Variants in ERC2 observed in about 807,000 individuals in gnomAD.
The protein encoded by ERC2 is ELKS/RAB6-interacting/CAST family member 2.
Under a neutral mutation model 114.8 loss-of-function variants are expected in ERC2, and 42 were observed. The observed-to-expected ratio is 0.37, with a 90% confidence interval of 0.29 to 0.47. ERC2 has a LOEUF of 0.47. ERC2 is among the 20% of genes least tolerant of loss of function. ERC2 has a pLI of 0.99. For missense variants in ERC2, 939 were observed against 1,150.7 expected (o/e 0.82, Z 2.66); for synonymous variants, 454 against 425.5 (o/e 1.07, Z -0.82).
At chr3:56,209,990 C>T (rs1009256048) in intron 3 of ERC2, among the ~76,000 whole-genome samples, 2 of 152,094 alleles carry the variant, frequency 1.3e-5, no homozygotes, top group Non-Finnish European at 2.9e-5. Context: ...AAACCCCAAG[C>T]AGAAACCTTT....
chr3:56,055,839 C>T (rs912123346), intron 7 of ERC2, among the ~76,000 whole-genome samples: 5 of 152,200 alleles, frequency 3.3e-5, no homozygotes, highest in Non-Finnish European at 5.9e-5. Context: ...TGAGAATTGC[C>T]ACATTGTGGT....
intron 2 of ERC2, among the ~76,000 whole-genome samples, chr3:56,374,798 A>G (rs1212120016): frequency 6.6e-6 from 1 of 152,234 alleles, no homozygotes; most frequent in East Asian, 1.9e-4. Context: ...ACATCAACAG[A>G]GCAAAGGCTA....
At chr3:55,793,200 C>T (rs1328772635) in intron 14 of ERC2, among the ~76,000 whole-genome samples, 2 of 152,100 alleles carry the variant, frequency 1.3e-5, no homozygotes, top group Non-Finnish European at 2.9e-5. Context: ...GATGTAGATG[C>T]AATTTAATTC....
chr3:56,143,703 T>C (rs899108307), intron 5 of ERC2, among the ~76,000 whole-genome samples: 1 of 152,204 alleles, frequency 6.6e-6, no homozygotes, highest in Non-Finnish European at 1.5e-5. Flanking sequence ...AATACATACA[T>C]AACCCATGCT....
intron 13 of ERC2, among the ~76,000 whole-genome samples, chr3:55,934,814 A>G (rs1465676314): frequency 6.6e-6 from 1 of 152,264 alleles, no homozygotes; most frequent in Non-Finnish European, 1.5e-5. Context: ...AATTTTCTGC[A>G]GTATAGAAGG....
chr3:55,915,227 A>G (rs913051567), intron 13 of ERC2, among the ~76,000 whole-genome samples: 3 of 152,192 alleles, frequency 2.0e-5, no homozygotes, highest in African/African-American at 7.2e-5. Context: ...AAAATAAAAT[A>G]TAGTGATTTT....
chr3:55,588,074 A>C (rs1185563419), intron 17 of ERC2, among the ~76,000 whole-genome samples: 1 of 152,202 alleles, frequency 6.6e-6, no homozygotes, highest in African/African-American at 2.4e-5. Flanking sequence ...GTGCCTAAAA[A>C]TTGGGTATAC....
chr3:56,053,610 C>T (rs1214701768), intron 7 of ERC2, among the ~76,000 whole-genome samples: 1 of 152,164 alleles, frequency 6.6e-6, no homozygotes, highest in Non-Finnish European at 1.5e-5. Flanking sequence ...TTTTCTATCT[C>T]AGGATCTCAA....
chr3:56,332,402 ACTC>A (rs1050625590), intron 2 of ERC2, among the ~76,000 whole-genome samples: 7 of 152,158 alleles, frequency 4.6e-5, no homozygotes, highest in Admixed American at 3.9e-4. Context: ...CATTGCATTT[ACTC>A]CTATCAGTTC....
chr3:55,857,401 T>C (rs893429872), intron 14 of ERC2, among the ~76,000 whole-genome samples: 30 of 152,170 alleles, frequency 2.0e-4, no homozygotes, highest in African/African-American at 7.2e-4. Flanking sequence ...TATCATTTTT[T>C]TTAATTGTGG....
chr3:56,085,673 T>C (rs2077464868), intron 6 of ERC2, among the ~76,000 whole-genome samples: 1 of 152,230 alleles, frequency 6.6e-6, no homozygotes, highest in Non-Finnish European at 1.5e-5. Context: ...TAGGTTTTCA[T>C]TATATCTGGT....
At chr3:55,579,709 C>T (rs1398978910) in intron 17 of ERC2, among the ~76,000 whole-genome samples, 1 of 152,232 alleles carries the variant, frequency 6.6e-6, no homozygotes, top group Non-Finnish European at 1.5e-5. Flanking sequence ...ATGATTCATT[C>T]TTCCACCCAG....
chr3:55,569,908 A>T (rs1490555205), intron 17 of ERC2, among the ~76,000 whole-genome samples: 1 of 138,076 alleles, frequency 7.2e-6, no homozygotes, highest in Non-Finnish European at 1.5e-5. Flanking sequence ...CTCAGGCTGG[A>T]GTGCAGTGGT....
intron 7 of ERC2, among the ~76,000 whole-genome samples, chr3:56,031,042 C>G (rs2074350980): frequency 6.6e-6 from 1 of 152,280 alleles, no homozygotes; most frequent in East Asian, 1.9e-4. Flanking sequence ...ACCAGGCTAG[C>G]CCCTGTGGGC....
chr3:55,719,277 G>C (rs1177359204), intron 15 of ERC2, among the ~76,000 whole-genome samples: 1 of 152,126 alleles, frequency 6.6e-6, no homozygotes, highest in Non-Finnish European at 1.5e-5. Context: ...AAGCAGGAGG[G>C]CTCTTTATGT....
At chr3:56,262,289 C>T (rs2052992152) in intron 3 of ERC2, among the ~76,000 whole-genome samples, 3 of 152,206 alleles carry the variant, frequency 2.0e-5, no homozygotes, top group African/African-American at 7.2e-5. Context: ...CCAGCACCCA[C>T]CACTGTGTCT....
At chr3:55,617,073 T>C (rs1197736081) in intron 17 of ERC2, among the ~76,000 whole-genome samples, 1 of 152,134 alleles carries the variant, frequency 6.6e-6, no homozygotes, top group East Asian at 1.9e-4. Flanking sequence ...AAGACCCACC[T>C]CCTTTACAAA....
chr3:55,677,700 A>G (rs2061877399), intron 17 of ERC2, among the ~76,000 whole-genome samples: 1 of 152,156 alleles, frequency 6.6e-6, no homozygotes, highest in African/African-American at 2.4e-5. Context: ...CCACCCCACC[A>G]TAGATGAGGG....
At chr3:55,767,153 G>T (rs1182033491) in intron 14 of ERC2, among the ~76,000 whole-genome samples, 2 of 152,226 alleles carry the variant, frequency 1.3e-5, no homozygotes. Flanking sequence ...GCTGATACCA[G>T]TTGGAGAGGT....
Sources: allele counts gnomAD v4.1 joint callset (sites outside exome capture counted in the v4.1 genomes callset), GRCh38; gene constraint gnomAD v4.1.1; transcripts MANE v1.5; gene names NCBI Gene and HGNC (gene_info 2026-07-23, HGNC 2026-07-21).